LARGE1: variants seen among roughly 807,000 people sequenced by gnomAD.
The protein encoded by LARGE1 is xylosyl- and glucuronyltransferase LARGE1.
LARGE1 carries 43 observed loss-of-function variants against 87.6 expected under a neutral mutation model. The ratio of observed to expected loss-of-function variants is 0.49; its 90% CI spans 0.38 to 0.63. The LOEUF is 0.63. LARGE1 is among the 30% of genes least tolerant of loss of function. The probability of loss-of-function intolerance (pLI) is 0.00; values close to 1 mark genes in which losing one functional copy is unlikely to be tolerated. For synonymous variants in LARGE1, 434 were observed against 394.6 expected, an observed-to-expected ratio of 1.10 and a Z score of -1.18; for missense variants, 802 against 1,000.2, an observed-to-expected ratio of 0.80 and a Z score of 2.67.
chr22:33,220,780 T>C (rs1455517818), intron 11 of LARGE1, among the ~76,000 whole-genome samples: 1 of 152,246 alleles, frequency 6.6e-6, no homozygotes. Context: ...TATCAGCCCA[T>C]GCTGGCTGCC....
chr22:33,227,192 C>A (rs886342398), intron 11 of LARGE1, among the ~76,000 whole-genome samples: 6 of 152,108 alleles, frequency 3.9e-5, no homozygotes, highest in Admixed American at 1.3e-4. Context: ...GACAAAGACA[C>A]TGAGGTACAG....
At chr22:33,197,473 T>C (rs1421971637) in intron 11 of LARGE1, among the ~76,000 whole-genome samples, 3 of 152,042 alleles carry the variant, frequency 2.0e-5, no homozygotes, top group African/African-American at 7.2e-5. Context: ...TAAAACTCAA[T>C]TGTCTTATCT....
At chr22:33,758,900 A>T (rs2084620079) in intron 2 of LARGE1, among the ~76,000 whole-genome samples, 2 of 152,198 alleles carry the variant, frequency 1.3e-5, no homozygotes, top group African/African-American at 2.4e-5. Context: ...CTTAAAGTTA[A>T]CAAAAAAGTA....
intron 1 of LARGE1, chr22:33,889,359 G>A (rs879907424): frequency 6.6e-6 from 1 of 152,206 alleles, no homozygotes; most frequent in Non-Finnish European, 1.5e-5. Context: ...ATTTCTTAGC[G>A]CCATTTATGA....
chr22:33,673,020 A>G (rs2081462855), intron 2 of LARGE1, among the ~76,000 whole-genome samples: 1 of 152,132 alleles, frequency 6.6e-6, no homozygotes, highest in Non-Finnish European at 1.5e-5. Context: ...CACACTTGTA[A>G]TCCCAGCACT....
chr22:33,106,434 G>A, the LARGE1 span, among the ~76,000 whole-genome samples: 3 of 152,194 alleles, frequency 2.0e-5, no homozygotes, highest in East Asian at 1.9e-4. Flanking sequence ...GGCTTTAGCC[G>A]GAAATTCAAT....
chr22:33,531,866 TG>T (rs1207836961), intron 6 of LARGE1, among the ~76,000 whole-genome samples: 5 of 152,250 alleles, frequency 3.3e-5, no homozygotes, highest in Non-Finnish European at 7.3e-5. Flanking sequence ...TTGCTCAGGC[TG>T]CCCGGAACAA....
chr22:33,270,102 C>T (rs576984476), downstream of LARGE1, among the ~76,000 whole-genome samples: 2 of 152,096 alleles, frequency 1.3e-5, no homozygotes, highest in East Asian at 3.9e-4. Flanking sequence ...TTTGTGGCAC[C>T]CCCATTACCT....
At position 33,587,267 on chromosome 22, in the gene LARGE1, C is replaced by T. The variant is rs2078703849; in HGVS notation, c.615+17168G>A. On this transcript the variant is annotated intron_variant, in intron 5 of 14. Transcript: ENST00000397394. ...TACCATGATGAAAATCCTTTGATTCCACCTTTATTTCCTTGGAGCAAAGAA... is the reference window on the plus strand; with the variant it reads ...TACCATGATGAAAATCCTTTGATTCTACCTTTATTTCCTTGGAGCAAAGAA... 2.0e-5 allele frequency among the ~76,000 whole-genome samples: 3 copies of T among 152,188 alleles called. No homozygotes were observed. In the South Asian group the frequency reaches 6.2e-4, roughly 32 times the overall value.
intron 11 of LARGE1, among the ~76,000 whole-genome samples, chr22:33,215,673 A>G (rs1477141468): frequency 6.6e-6 from 1 of 152,148 alleles, no homozygotes; most frequent in African/African-American, 2.4e-5. Context: ...TCGTCTGTTT[A>G]AGGCTGGGCG....
intron 6 of LARGE1, among the ~76,000 whole-genome samples, chr22:33,441,267 T>C (rs979560561): frequency 6.6e-6 from 1 of 151,742 alleles, no homozygotes. Flanking sequence ...AGAGACGAGA[T>C]TTCATCATGT....
intron 5 of LARGE1, among the ~76,000 whole-genome samples, chr22:33,591,125 C>T (rs1042673807): frequency 2.0e-5 from 3 of 152,304 alleles, no homozygotes; most frequent in East Asian, 1.9e-4. Flanking sequence ...CGCTTGAACC[C>T]GCGAGGCGGA....
intron 1 of LARGE1, among the ~76,000 whole-genome samples, chr22:33,890,812 C>T (rs1052776596): frequency 6.6e-6 from 1 of 151,648 alleles, no homozygotes; most frequent in Non-Finnish European, 1.5e-5. Flanking sequence ...GGGGGTGCTG[C>T]CTCAGTTTCC....
intron 11 of LARGE1, among the ~76,000 whole-genome samples, chr22:33,266,805 A>G (rs1347623837): frequency 6.6e-6 from 1 of 151,338 alleles, no homozygotes; most frequent in Non-Finnish European, 1.5e-5. Flanking sequence ...CCCTGTCCTT[A>G]TACCTCACAT....
intron 11 of LARGE1, 86 bp from the exon 12 acceptor site, chr22:33,304,593 G>T: frequency 7.3e-7 from 1 of 1,369,988 alleles, no homozygotes; most frequent in Non-Finnish European, 9.8e-7. Flanking sequence ...TGCCTCCAGT[G>T]ACACTTGATC....
At chr22:33,519,517 T>C (rs2899209) in intron 6 of LARGE1, among the ~76,000 whole-genome samples, 79,169 of 151,896 alleles carry the variant, frequency 0.52, 21,212 homozygotes, top group Admixed American at 0.62. Context: ...GCCCCTGCAC[T>C]GGCTCCCGAA....
At chr22:33,294,483 T>C (rs959902087) in intron 12 of LARGE1, among the ~76,000 whole-genome samples, 6 of 152,204 alleles carry the variant, frequency 3.9e-5, no homozygotes, top group African/African-American at 1.2e-4. Flanking sequence ...AAGAAACCTG[T>C]GCTGGAGTGT....
intron 1 of LARGE1, among the ~76,000 whole-genome samples, chr22:33,896,372 G>C (rs959123297): frequency 6.6e-6 from 1 of 152,146 alleles, no homozygotes; most frequent in South Asian, 2.1e-4. Flanking sequence ...TGGCTATTGT[G>C]AATGACGCTG....
intron 6 of LARGE1, among the ~76,000 whole-genome samples, chr22:33,465,343 C>T (rs917016227): frequency 3.3e-5 from 5 of 152,144 alleles, no homozygotes; most frequent in African/African-American, 1.2e-4. Flanking sequence ...AGCTCTGGGG[C>T]AAAGACCACA....
Sources: gnomAD v4.1 joint callset for allele counts (sites outside exome capture counted in the v4.1 genomes callset) on GRCh38, gnomAD v4.1.1 for gene constraint, MANE v1.5 for transcripts, NCBI Gene and HGNC (gene_info 2026-07-23, HGNC 2026-07-21) for gene names.